PRKDC: variants seen among roughly 807,000 people sequenced by gnomAD.
PRKDC encodes protein kinase, DNA-activated, catalytic subunit.
A neutral mutation model predicts 486.9 loss-of-function variants in PRKDC; 82 were observed. The observed-to-expected ratio is 0.17, with a 90% CI of 0.14 to 0.20. The LOEUF is 0.20. PRKDC is among the 10% of genes least tolerant of loss of function. The probability of loss-of-function intolerance (pLI) is 1.00; values close to 1 mark genes in which losing one functional copy is unlikely to be tolerated. For missense variants in PRKDC, 4,504 were observed against 5,038.2 expected, an observed-to-expected ratio of 0.89 and a Z score of 3.21; for synonymous variants, 1,895 against 1,837.0, an observed-to-expected ratio of 1.03 and a Z score of -0.81.
rs1299318147 is a variant in PRKDC at position 47,800,912 on chromosome 8, T to C, written c.9997A>G (p.Thr3333Ala). The C allele has an allele frequency of 2.5e-6, 4 of 1,613,964 alleles. No homozygotes were observed. The highest frequency in any genetic ancestry group is 2.2e-5 in the South Asian group (2 of 91,060). Residue 3333 changes from threonine (T) to alanine (A), a missense_variant, in exon 71 of 86, where the codon ACT (threonine) becomes GCT (alanine). Around this residue, in one of 6 missense-constraint regions of PRKDC, gnomAD observed 1,592 missense variants for 1,724.6 expected, o/e 0.92. Transcript: ENST00000314191. ...AGAGCATTCGCTATGATCCTGTAAGTTGTACCCAAGAGAATGTTCTGGTCA... is the reference window on the plus strand; with the variant it reads ...AGAGCATTCGCTATGATCCTGTAAGCTGTACCCAAGAGAATGTTCTGGTCA... ...FRDQNILLGT[T>A]YRIIANALSS...
intron 54 of PRKDC, among the ~76,000 whole-genome samples, chr8:47,840,925 C>G (rs2088126196): frequency 6.6e-6 from 1 of 152,162 alleles, no homozygotes; most frequent in Admixed American, 6.5e-5. Flanking sequence ...CAAAACAGAG[C>G]AAAATGAGTA....
intron 20 of PRKDC, 126 bp downstream of exon 20, chr8:47,927,644 AC>A: frequency 2.4e-6 from 3 of 1,242,190 alleles, no homozygotes; most frequent in Non-Finnish European, 3.2e-6. Flanking sequence ...GCAGAAGCAG[AC>A]CCTGACCCGG....
rs372583510 is a variant in PRKDC at position 47,918,961 on chromosome 8, C to CT, written c.2420-579dup. 1.8e-3 allele frequency among the ~76,000 whole-genome samples: 269 copies of CT among 146,112 alleles called. 1 individual carries two copies. The highest frequency in any genetic ancestry group is 6.3e-3 in the African/African-American group (251 of 40,026). ...GTGTTGAAGTACCCCGAATAAATTC[C>CT]TTTTTTTTTTTAAGCAATCATAAAC... On this transcript the variant is annotated intron_variant, in intron 21 of 85. Transcript: ENST00000314191.
chr8:47,819,138 T>C (rs1409787733), intron 67 of PRKDC, among the ~76,000 whole-genome samples: 2 of 152,234 alleles, frequency 1.3e-5, no homozygotes, highest in Non-Finnish European at 2.9e-5. Flanking sequence ...AGGTATCCTC[T>C]GGAGTCACCC....
Position 47,855,320 on chromosome 8 carries a change from T to G in PRKDC, c.6663A>C (p.Lys2221Asn). The change falls in exon 50 of 86, where the codon AAA becomes AAC. Residue 2221 changes from lysine (K) to asparagine (N), a missense_variant. Lys to Asn is a moderately conservative substitution (Grantham distance 94). Transcript: ENST00000314191. ...CAGCTCTTTTTGGATGAAAGACATG[T>G]TTCATTAGGAAATTAAGCAATCGAT... The part of the protein sequence containing the change: ...LANRLLNFLM[K>N]HVFHPKRAVF... 6.2e-7 allele frequency: 1 copy of G among 1,600,652 alleles called. No homozygotes were observed. The highest frequency in any genetic ancestry group is 1.1e-5 in the South Asian group (1 of 88,916).
chr8:47,813,929 T>C (rs1034394162), intron 68 of PRKDC, among the ~76,000 whole-genome samples: 6 of 152,138 alleles, frequency 3.9e-5, no homozygotes, highest in African/African-American at 1.4e-4. Flanking sequence ...TATGAGGCCA[T>C]GATAACCCTA....
In PRKDC at chr8:47,935,297, C is replaced by T. The variant is rs925226461; in HGVS notation, c.1448-239G>A. Among the ~76,000 whole-genome samples, 34 of 151,972 alleles carry T rather than the reference C, an allele frequency of 2.2e-4. 1 individual carries two copies. Among genetic ancestry groups the T allele is most frequent in the Non-Finnish European group, 7.4e-5 (5 of 67,988 alleles). On this transcript the variant is annotated intron_variant, in intron 13 of 85. Transcript: ENST00000314191. ...CAGGTGGATCAAAAGGTCAGGAGTT[C>T]GAGACCAGCCTAGCCAATATGGTGA...
chr8:47,922,627 T>A (rs532197051), intron 21 of PRKDC, among the ~76,000 whole-genome samples: 1 of 152,134 alleles, frequency 6.6e-6, no homozygotes, highest in Admixed American at 6.5e-5. Flanking sequence ...CATTTTTAAG[T>A]AAGGAGGGTA....
intron 30 of PRKDC, 94 bp from the exon 31 acceptor site, chr8:47,893,481 CT>C (rs1173800335): frequency 9.3e-6 from 12 of 1,287,188 alleles, no homozygotes; most frequent in Non-Finnish European, 1.2e-5. Context: ...ATGGGACAAT[CT>C]TTTTTCATTT....
chr8:47,816,733 A>G (rs556888705), intron 68 of PRKDC, among the ~76,000 whole-genome samples: 87 of 152,312 alleles, frequency 5.7e-4, no homozygotes, highest in Non-Finnish European at 9.1e-4. Flanking sequence ...GTTATTTAAA[A>G]AATCAGTGAA....
intron 66 of PRKDC, among the ~76,000 whole-genome samples, chr8:47,819,899 CAATG>C (rs1464389114): frequency 6.6e-6 from 1 of 152,088 alleles, no homozygotes; most frequent in African/African-American, 2.4e-5. Context: ...AAAATGAAAA[CAATG>C]AATGAATATG....
chr8:47,922,929 A>G (rs1422331941), intron 21 of PRKDC, among the ~76,000 whole-genome samples: 1 of 152,136 alleles, frequency 6.6e-6, no homozygotes, highest in Non-Finnish European at 1.5e-5. Context: ...CACAGGACAA[A>G]TCTCGGAAAG....
intron 74 of PRKDC, among the ~76,000 whole-genome samples, chr8:47,792,393 G>A (rs2086896887): frequency 6.6e-6 from 1 of 151,626 alleles, no homozygotes; most frequent in Admixed American, 6.6e-5. Context: ...CAAGTAGCTG[G>A]GACTATAGGC....
chr8:47,841,968 C>T (rs1014864266), intron 54 of PRKDC, among the ~76,000 whole-genome samples: 3 of 152,196 alleles, frequency 2.0e-5, no homozygotes, highest in Non-Finnish European at 4.4e-5. Flanking sequence ...TGCACAACCA[C>T]GACAACATCA....
At chr8:47,887,778 T>C in intron 34 of PRKDC, 73 bp from the exon 35 acceptor site, 1 of 1,455,958 alleles carries the variant, frequency 6.9e-7, no homozygotes, top group Non-Finnish European at 9.1e-7. Flanking sequence ...ACTCCTCTCA[T>C]TAAATAAAAA....
intron 77 of PRKDC, 58 bp from the exon 78 acceptor site, chr8:47,783,867 A>G: frequency 6.7e-7 from 1 of 1,501,188 alleles, no homozygotes; most frequent in Non-Finnish European, 9.3e-7. Flanking sequence ...CCTGTATTTT[A>G]AAACATGCCT....
intron 30 of PRKDC, among the ~76,000 whole-genome samples, chr8:47,896,312 T>C (rs2089579715): frequency 6.6e-6 from 1 of 151,988 alleles, no homozygotes; most frequent in Admixed American, 6.6e-5. Flanking sequence ...ATATATAAAG[T>C]AACTTTTTTC....
chr8:47,936,398 T>C lies in PRKDC; in HGVS notation c.1233A>G (p.Pro411=). The C allele has an allele frequency of 6.2e-7, 1 of 1,613,928 alleles. No individual in the cohort carries two copies. The change falls in exon 12 of 86, where the codon CCA becomes CCG. Residue 411 remains proline (P), a synonymous_variant. Transcript: ENST00000314191. ...DTGDDRVYQM[P]SFLQSVASVL... is the part of the protein sequence containing the mutation. ...CGCTTGCAACAGACTGGAGGAAGCT[T>C]GGCATCTGATAAACACGGTCGTCAC... is the stretch of plus-strand genomic sequence containing the variant.
intron 74 of PRKDC, 54 bp downstream of exon 74, chr8:47,794,236 A>T: frequency 6.9e-7 from 1 of 1,458,838 alleles, no homozygotes; most frequent in Non-Finnish European, 9.4e-7. Flanking sequence ...CTTTAACCAC[A>T]TTTTTATAAC....
Sources: gnomAD v4.1 joint callset for allele counts (sites outside exome capture counted in the v4.1 genomes callset) on GRCh38, gnomAD v4.1.1 for gene constraint, gnomAD v4.1.1 regional missense constraint, MANE v1.5 for transcripts, NCBI Gene and HGNC (gene_info 2026-07-23, HGNC 2026-07-21) for gene names.